Variants in MAF observed in about 807,000 individuals in gnomAD.
The protein encoded by MAF is transcription factor Maf.
In MAF, 10 loss-of-function variants were observed where a neutral mutation model predicts 22.0. That is an observed-to-expected ratio of 0.45 (90% CI 0.28 to 0.77). MAF has a LOEUF of 0.77. Among genes scored for constraint, MAF ranks in the 30% least tolerant of loss-of-function variants. The pLI is 0.12. For missense variants in MAF, 544 were observed against 548.4 expected (o/e 0.99, Z 0.08); for synonymous variants, 337 against 255.8 (o/e 1.32, Z -3.03).
chr16:79,518,255 G>T, the MAF span, among the ~76,000 whole-genome samples: 27 of 152,198 alleles, frequency 1.8e-4, no homozygotes, highest in Non-Finnish European at 2.8e-4. Flanking sequence ...CCTAGAACCT[G>T]TGCCAGTGCA....
At chr16:79,555,659 T>A in the MAF span, among the ~76,000 whole-genome samples, 728 of 152,334 alleles carry the variant, frequency 4.8e-3, 1 homozygote, top group Non-Finnish European at 6.9e-3. Flanking sequence ...TGAAAGGAAA[T>A]GCTCATTGGA....
intron 1 of MAF, chr16:79,597,053 T>C (rs1265582254): frequency 1.9e-6 from 2 of 1,057,200 alleles, no homozygotes; most frequent in South Asian, 9.1e-5. Flanking sequence ...ATACAGTCAG[T>C]GGTATAGCAA....
chr16:79,552,098 C>T, the MAF span, among the ~76,000 whole-genome samples: 9 of 152,162 alleles, frequency 5.9e-5, no homozygotes, highest in Admixed American at 3.3e-4. Flanking sequence ...ACCCCCCTGC[C>T]CTCTTCCAAG....
chr16:79,256,253 G>T, the MAF span, among the ~76,000 whole-genome samples: 6 of 151,936 alleles, frequency 3.9e-5, no homozygotes, highest in African/African-American at 1.5e-4. Flanking sequence ...CTCCCAGAGT[G>T]CTGGGATTAC....
chr16:79,410,964 T>C, the MAF span, among the ~76,000 whole-genome samples: 2 of 152,196 alleles, frequency 1.3e-5, no homozygotes, highest in Non-Finnish European at 2.9e-5. Flanking sequence ...TTAGGATCCC[T>C]TGACTTTTCC....
At chr16:79,598,329 C>A in intron 1 of MAF, 1 of 1,111,912 alleles carries the variant, frequency 9.0e-7, no homozygotes, top group Non-Finnish European at 1.1e-6. Context: ...AGTTCATGAA[C>A]TGAAGGGGAA....
At chr16:79,340,916 G>A in the MAF span, among the ~76,000 whole-genome samples, 1 of 152,112 alleles carries the variant, frequency 6.6e-6, no homozygotes, top group Non-Finnish European at 1.5e-5. Context: ...CATTAAAATC[G>A]ATAGAAACAG....
chr16:79,345,520 G>C, the MAF span, among the ~76,000 whole-genome samples: 1 of 152,016 alleles, frequency 6.6e-6, no homozygotes, highest in Admixed American at 6.5e-5. Flanking sequence ...TTGAGGTCAG[G>C]AGTTCAAGAC....
At chr16:79,481,234 GTT>G in the MAF span, among the ~76,000 whole-genome samples, 55 of 148,404 alleles carry the variant, frequency 3.7e-4, no homozygotes, top group African/African-American at 1.3e-3. Flanking sequence ...TTCCACAACA[GTT>G]TTTTTTTTTT....
chr16:79,417,733 C>G, the MAF span, among the ~76,000 whole-genome samples: 1 of 152,132 alleles, frequency 6.6e-6, no homozygotes, highest in Non-Finnish European at 1.5e-5. Flanking sequence ...AGTGTTTTCT[C>G]TTGTTGACCA....
At chr16:79,480,168 G>T in the MAF span, among the ~76,000 whole-genome samples, 2 of 152,064 alleles carry the variant, frequency 1.3e-5, no homozygotes, top group Admixed American at 6.6e-5. Context: ...TTCCAACACA[G>T]TAAACGCGTG....
chr16:79,341,963 C>T, the MAF span, among the ~76,000 whole-genome samples: 1 of 152,344 alleles, frequency 6.6e-6, no homozygotes, highest in Non-Finnish European at 1.5e-5. Context: ...ACCACTGCTA[C>T]TGCTGCTGCT....
chr16:79,349,178 T>C, the MAF span, among the ~76,000 whole-genome samples: 1 of 152,218 alleles, frequency 6.6e-6, no homozygotes, highest in Non-Finnish European at 1.5e-5. Context: ...GTCCTCTGCC[T>C]TGCCCAAGGG....
At chr16:79,229,711 AGAG>A in the MAF span, among the ~76,000 whole-genome samples, 1 of 152,056 alleles carries the variant, frequency 6.6e-6, no homozygotes, top group South Asian at 2.1e-4. Flanking sequence ...TGAGCTATCT[AGAG>A]GAGTGCACCG....
chr16:79,515,376 T>C, the MAF span, among the ~76,000 whole-genome samples: 1 of 152,222 alleles, frequency 6.6e-6, no homozygotes, highest in Non-Finnish European at 1.5e-5. Flanking sequence ...GTAGAAACTG[T>C]ACTTTGAATA....
the MAF span, chr16:79,211,658 G>T: frequency 6.2e-7 from 1 of 1,614,200 alleles, no homozygotes; most frequent in East Asian, 2.2e-5. Context: ...CAGAACTGGA[G>T]GGTCTGGGAG....
At chr16:79,379,724 G>T in the MAF span, among the ~76,000 whole-genome samples, 1 of 152,160 alleles carries the variant, frequency 6.6e-6, no homozygotes, top group Non-Finnish European at 1.5e-5. Flanking sequence ...TGAGGAGAGG[G>T]AGGGTGATGC....
chr16:79,415,935 G>C, the MAF span, among the ~76,000 whole-genome samples: 1 of 152,032 alleles, frequency 6.6e-6, no homozygotes, highest in East Asian at 1.9e-4. Context: ...ACGGTCCTTA[G>C]AATGTCCCTC....
chr16:79,521,399 T>A, the MAF span, among the ~76,000 whole-genome samples: 1 of 152,154 alleles, frequency 6.6e-6, no homozygotes, highest in Non-Finnish European at 1.5e-5. Context: ...AATAAAGATC[T>A]CTCAAATGCA....
Sources: gnomAD v4.1 joint callset for allele counts (sites outside exome capture counted in the v4.1 genomes callset) on GRCh38, gnomAD v4.1.1 for gene constraint, MANE v1.5 for transcripts, NCBI Gene and HGNC (gene_info 2026-07-23, HGNC 2026-07-21) for gene names.